RERE: variants seen among roughly 807,000 people sequenced by gnomAD.
RERE encodes arginine-glutamic acid dipeptide repeats.
RERE carries 40 observed loss-of-function variants against 146.1 expected under a neutral mutation model. That is an observed-to-expected ratio of 0.27 (90% CI 0.21 to 0.36). The LOEUF (loss-of-function observed/expected upper bound fraction) is 0.36. RERE is among the 10% of genes least tolerant of loss of function. The pLI, the probability that RERE is intolerant of heterozygous loss-of-function variation, is 1.00. For synonymous variants in RERE, 1,003 were observed against 866.0 expected, an observed-to-expected ratio of 1.16 and a Z score of -2.78; for missense variants, 1,933 against 2,138.7, an observed-to-expected ratio of 0.90 and a Z score of 1.90.
intron 6 of RERE, among the ~76,000 whole-genome samples, chr1:8,554,778 T>A (rs766177536): frequency 6.6e-6 from 1 of 150,586 alleles, no homozygotes; most frequent in Non-Finnish European, 1.5e-5. Flanking sequence ...CAGGTAACAA[T>A]ATTCCAGGAT....
At chr1:8,483,018 TC>T (rs1644856014) in intron 10 of RERE, among the ~76,000 whole-genome samples, 1 of 152,250 alleles carries the variant, frequency 6.6e-6, no homozygotes, top group Non-Finnish European at 1.5e-5. Flanking sequence ...GACTTCAATA[TC>T]CTGTTATTAC....
chr1:8,745,253 G>A (rs900639048), intron 1 of RERE, among the ~76,000 whole-genome samples: 4 of 152,094 alleles, frequency 2.6e-5, no homozygotes, highest in Non-Finnish European at 4.4e-5. Context: ...CTCCTCACTC[G>A]CTCGTGCCAC....
intron 1 of RERE, among the ~76,000 whole-genome samples, chr1:8,663,307 T>C (rs1638496731): frequency 6.6e-6 from 1 of 152,216 alleles, no homozygotes. Context: ...ATGTTTGACT[T>C]TTGACTAAAT....
chr1:8,737,583 AT>A (rs5772334), intron 1 of RERE, among the ~76,000 whole-genome samples: 324 of 147,602 alleles, frequency 2.2e-3, no homozygotes, highest in African/African-American at 4.0e-3. Flanking sequence ...AGGAAGCAGA[AT>A]TTTTTTTTTT....
intron 4 of RERE, among the ~76,000 whole-genome samples, chr1:8,593,374 G>C (rs1367942115): frequency 6.6e-6 from 1 of 152,164 alleles, no homozygotes; most frequent in Non-Finnish European, 1.5e-5. Flanking sequence ...ATGGGGGTGG[G>C]TCTTTCGTGT....
At chr1:8,458,836 C>T (rs1053159289) in intron 11 of RERE, among the ~76,000 whole-genome samples, 3 of 152,220 alleles carry the variant, frequency 2.0e-5, no homozygotes, top group Non-Finnish European at 4.4e-5. Context: ...TGAATCTGTA[C>T]ATTTATCCCA....
chr1:8,384,356 G>A (rs1397488518), intron 12 of RERE, among the ~76,000 whole-genome samples: 1 of 152,168 alleles, frequency 6.6e-6, no homozygotes, highest in Non-Finnish European at 1.5e-5. Flanking sequence ...TAGGGGTAAA[G>A]AGATGTGCTG....
chr1:8,416,674 A>G (rs144964511), intron 12 of RERE, among the ~76,000 whole-genome samples: 1,748 of 152,304 alleles, frequency 0.011, 42 homozygotes, highest in African/African-American at 0.04. Context: ...TCTGTTTGAA[A>G]TATTTTGCAA....
chr1:8,698,756 G>A (rs1639387585), intron 1 of RERE, among the ~76,000 whole-genome samples: 1 of 152,020 alleles, frequency 6.6e-6, no homozygotes, highest in Non-Finnish European at 1.5e-5. Flanking sequence ...CAGAGATCGA[G>A]ATCTTCCCAA....
intron 12 of RERE, among the ~76,000 whole-genome samples, chr1:8,399,160 CTCAG>C (rs1449652877): frequency 5.9e-5 from 9 of 151,478 alleles, no homozygotes; most frequent in African/African-American, 9.7e-5. Flanking sequence ...AATATCTTCT[CTCAG>C]TCTGTCACTT....
intron 12 of RERE, among the ~76,000 whole-genome samples, chr1:8,401,241 A>G (rs934069560): frequency 6.7e-6 from 1 of 149,066 alleles, no homozygotes; most frequent in African/African-American, 2.5e-5. Flanking sequence ...ATTACGTAGC[A>G]AACTGCATTT....
intron 1 of RERE, among the ~76,000 whole-genome samples, chr1:8,754,172 T>A (rs942073573): frequency 6.6e-6 from 1 of 152,162 alleles, no homozygotes; most frequent in South Asian, 2.1e-4. Flanking sequence ...CTAATATGTG[T>A]TAGGGAGTGT....
chr1:8,578,868 GA>G (rs747064944), intron 4 of RERE, among the ~76,000 whole-genome samples: 1 of 152,128 alleles, frequency 6.6e-6, no homozygotes, highest in Non-Finnish European at 1.5e-5. Context: ...TCCTTTATAT[GA>G]AAAATAAATA....
chr1:8,814,681 G>T (rs1337144871), intron 1 of RERE, among the ~76,000 whole-genome samples: 1 of 152,084 alleles, frequency 6.6e-6, no homozygotes, highest in Admixed American at 6.6e-5. Context: ...CATAGAGTAG[G>T]TTTATTTGAT....
At chr1:8,525,588 A>C (rs1645560281) in intron 7 of RERE, among the ~76,000 whole-genome samples, 1 of 152,238 alleles carries the variant, frequency 6.6e-6, no homozygotes, top group African/African-American at 2.4e-5. Context: ...CCCCATTCTT[A>C]GTTCTGATTT....
chr1:8,395,331 C>T (rs752334776), intron 12 of RERE, among the ~76,000 whole-genome samples: 1 of 151,850 alleles, frequency 6.6e-6, no homozygotes, highest in Non-Finnish European at 1.5e-5. Context: ...AAAAATTAGC[C>T]GGGCGTGGTG....
chr1:8,542,320 C>T (rs571736272), intron 6 of RERE, among the ~76,000 whole-genome samples: 1 of 152,256 alleles, frequency 6.6e-6, no homozygotes, highest in South Asian at 2.1e-4. Context: ...ACTTCCAGGA[C>T]GTGGCCTCCC....
chr1:8,358,289 G>A lies in RERE; in HGVS notation c.4246C>T (p.Arg1416Ter). 1 of 1,613,578 alleles carries A rather than the reference G, an allele frequency of 6.2e-7. No individual in the cohort carries two copies. The highest frequency in any genetic ancestry group is 8.5e-7 in the Non-Finnish European group (1 of 1,179,612). ...GGAGTCACGTTGAACATCTGCAGTC[G>A]GGCCAGGGGATCGCTGGTCAGCGAT... Reference protein sequence around the residue: ...MASLTSDPLARLQMFNVTPHH... With the variant: ...MASLTSDPLA The change falls in exon 20 of 23, where the codon CGA becomes TGA. Residue 1416 changes from arginine to a stop codon, truncating the protein, a stop_gained. Coordinates refer to ENST00000400908, the MANE Select transcript of RERE (RefSeq NM_001042681.2). LOFTEE classifies it high-confidence loss of function.
chr1:8,803,084 A>G (rs1641616577), intron 1 of RERE, among the ~76,000 whole-genome samples: 1 of 152,236 alleles, frequency 6.6e-6, no homozygotes, highest in Non-Finnish European at 1.5e-5. Context: ...AAATTTATTT[A>G]TGACAATTAC....
Sources: gnomAD v4.1 joint callset for allele counts (sites outside exome capture counted in the v4.1 genomes callset) on GRCh38, gnomAD v4.1.1 for gene constraint, MANE v1.5 for transcripts, NCBI Gene and HGNC (gene_info 2026-07-23, HGNC 2026-07-21) for gene names.